CMTM8: variants seen among roughly 807,000 people sequenced by gnomAD.
CMTM8 encodes CKLF like MARVEL transmembrane domain containing 8, also known as CKLF-like MARVEL transmembrane domain-containing protein 8.
Under a neutral mutation model 18.6 loss-of-function variants are expected in CMTM8, and 12 were observed. The observed-to-expected ratio is 0.65, with a 90% CI of 0.41 to 1.05. The LOEUF (loss-of-function observed/expected upper bound fraction) is 1.05. Ranked by LOEUF, CMTM8 falls within the 50% of genes least tolerant of loss-of-function variation. The probability of loss-of-function intolerance (pLI) is 0.00; values close to 1 mark genes in which losing one functional copy is unlikely to be tolerated. For synonymous variants in CMTM8, 87 were observed against 90.6 expected (o/e 0.96, Z 0.23); for missense variants, 217 against 227.2 (o/e 0.95, Z 0.29).
chr3:32,307,687 A>G (rs1294390017), intron 1 of CMTM8, among the ~76,000 whole-genome samples: 1 of 152,152 alleles, frequency 6.6e-6, no homozygotes, highest in African/African-American at 2.4e-5. Context: ...GGGTTTGTCT[A>G]AGGCAATGGT....
At chr3:32,351,666 C>T (rs1158040307) in intron 1 of CMTM8, among the ~76,000 whole-genome samples, 1 of 151,612 alleles carries the variant, frequency 6.6e-6, no homozygotes, top group African/African-American at 2.4e-5. Context: ...GACTCTTGAT[C>T]ACACCACTGC....
chr3:32,355,602 C>T (rs1006590577), intron 1 of CMTM8, among the ~76,000 whole-genome samples: 1 of 152,156 alleles, frequency 6.6e-6, no homozygotes, highest in African/African-American at 2.4e-5. Flanking sequence ...TCCACATGTC[C>T]ATTCTCTACC....
chr3:32,294,435 T>C (rs1305654713), intron 1 of CMTM8, among the ~76,000 whole-genome samples: 1 of 152,226 alleles, frequency 6.6e-6, no homozygotes, highest in Non-Finnish European at 1.5e-5. Flanking sequence ...TCTGGCTTAG[T>C]GCTGCTGCCT....
At position 32,350,803 on chromosome 3, in the gene CMTM8, G is replaced by A. The variant is rs144937092; in HGVS notation, c.148-6570G>A. ...CTCCCAAAGTGTTGGGAATACAGGC[G>A]TGAGCCACCACGTCAAGCCTAATTT... On this transcript the variant is annotated intron_variant, in intron 1 of 3. Transcript: ENST00000307526. Among the ~76,000 whole-genome samples the A allele has an allele frequency of 2.0e-3, 309 of 152,236 alleles. 1 individual carries two copies. Among genetic ancestry groups the A allele is most frequent in the Middle Eastern group, 0.01 (3 of 294 alleles).
At chr3:32,267,763 C>A (rs1024818630) in intron 1 of CMTM8, among the ~76,000 whole-genome samples, 3 of 152,202 alleles carry the variant, frequency 2.0e-5, no homozygotes, top group Admixed American at 2.0e-4. Context: ...AAGAAAAAAA[C>A]AACCCCATCA....
intron 3 of CMTM8, among the ~76,000 whole-genome samples, chr3:32,368,402 G>A (rs1697086047): frequency 6.6e-6 from 1 of 151,584 alleles, no homozygotes; most frequent in South Asian, 2.1e-4. Context: ...ACCAGTAGAG[G>A]TTCCTTCTAG....
intron 1 of CMTM8, among the ~76,000 whole-genome samples, chr3:32,334,603 C>A (rs1266920849): frequency 2.7e-5 from 4 of 150,606 alleles, no homozygotes; most frequent in Non-Finnish European, 5.9e-5. Flanking sequence ...AAGACTCCAT[C>A]TCAAAAAAAA....
chr3:32,287,094 G>C (rs1224646472), intron 1 of CMTM8, among the ~76,000 whole-genome samples: 1 of 152,200 alleles, frequency 6.6e-6, no homozygotes, highest in Non-Finnish European at 1.5e-5. Flanking sequence ...GCTAATAGCT[G>C]TTCCTTTTTT....
At chr3:32,325,692 G>A (rs1216053434) in intron 1 of CMTM8, among the ~76,000 whole-genome samples, 1 of 152,188 alleles carries the variant, frequency 6.6e-6, no homozygotes, top group African/African-American at 2.4e-5. Flanking sequence ...TTCTGGTTGT[G>A]ATTTTCAATG....
At chr3:32,300,251 T>C (rs1294241938) in intron 1 of CMTM8, among the ~76,000 whole-genome samples, 1 of 152,246 alleles carries the variant, frequency 6.6e-6, no homozygotes, top group Non-Finnish European at 1.5e-5. Flanking sequence ...GTTCAGATTC[T>C]TCTTGGACTC....
At chr3:32,335,896 T>G (rs1054890812) in intron 1 of CMTM8, among the ~76,000 whole-genome samples, 79 of 152,104 alleles carry the variant, frequency 5.2e-4, no homozygotes, top group African/African-American at 1.8e-3. Flanking sequence ...GCGCACAGTC[T>G]TACTTCCTGC....
intron 1 of CMTM8, among the ~76,000 whole-genome samples, chr3:32,261,322 A>T (rs997682091): frequency 6.6e-6 from 1 of 152,334 alleles, no homozygotes; most frequent in African/African-American, 2.4e-5. Flanking sequence ...TATAGTGGTA[A>T]ATAGCACCTT....
At chr3:32,369,839 G>A (rs1436330256) in intron 3 of CMTM8, 45 bp from the exon 4 acceptor site, 4 of 1,266,750 alleles carry the variant, frequency 3.2e-6, no homozygotes, top group South Asian at 1.3e-5. Flanking sequence ...TTGCTAATTA[G>A]GATGTGCCCT....
intron 1 of CMTM8, among the ~76,000 whole-genome samples, chr3:32,254,122 G>T (rs1702147156): frequency 6.6e-6 from 1 of 152,144 alleles, no homozygotes; most frequent in Non-Finnish European, 1.5e-5. Flanking sequence ...TCAAACTCCT[G>T]ACCTCAGGTA....
intron 1 of CMTM8, among the ~76,000 whole-genome samples, chr3:32,266,605 G>A (rs1471098755): frequency 3.9e-5 from 6 of 152,138 alleles, no homozygotes; most frequent in Non-Finnish European, 5.9e-5. Context: ...TCTGGCCAGG[G>A]CAATCAGGCA....
intron 1 of CMTM8, among the ~76,000 whole-genome samples, chr3:32,330,233 A>C (rs1019210773): frequency 1.3e-5 from 2 of 150,494 alleles, no homozygotes; most frequent in Non-Finnish European, 2.9e-5. Context: ...AATAGAAAAA[A>C]AATCCTAAAA....
intron 1 of CMTM8, among the ~76,000 whole-genome samples, chr3:32,294,638 G>A (rs1702843031): frequency 6.6e-6 from 1 of 152,168 alleles, no homozygotes; most frequent in African/African-American, 2.4e-5. Flanking sequence ...TAAAGTATGC[G>A]GCAGCAGATA....
chr3:32,238,986 A>C lies in CMTM8; in HGVS notation c.14A>C (p.Gln5Pro). The stretch of plus-strand genomic sequence containing the variant: ...AGTGGCTCGACGATGGAGGAGCCGC[A>C]GCGCGCCCGCTCGCACACAGTCACC... Reference protein sequence around the residue: MEEPQRARSHTVTTT... With the variant: MEEPPRARSHTVTTT... The change falls in exon 1 of 4, where the codon CAG (glutamine) becomes CCG (proline). Residue 5 changes from glutamine to proline, a missense_variant. Gln to Pro is a moderately conservative substitution (Grantham distance 76). Transcript: ENST00000307526. The C allele has an allele frequency of 6.5e-7, 1 of 1,549,872 alleles. No individual in the cohort carries two copies. Among genetic ancestry groups the C allele is most frequent in the Non-Finnish European group, 8.7e-7 (1 of 1,147,166 alleles).
intron 1 of CMTM8, among the ~76,000 whole-genome samples, chr3:32,317,191 G>T (rs551440179): frequency 6.6e-6 from 1 of 152,230 alleles, no homozygotes; most frequent in East Asian, 1.9e-4. Flanking sequence ...TGACCTCAGG[G>T]CCAGGCTAGG....
Sources: allele counts gnomAD v4.1 joint callset (sites outside exome capture counted in the v4.1 genomes callset), GRCh38; gene constraint gnomAD v4.1.1; transcripts MANE v1.5; gene names NCBI Gene and HGNC (gene_info 2026-07-23, HGNC 2026-07-21).